GALNTL6: variants seen among roughly 807,000 people sequenced by gnomAD.
The protein encoded by GALNTL6 is polypeptide N-acetylgalactosaminyltransferase like 6, also known as polypeptide N-acetylgalactosaminyltransferase-like 6.
A neutral mutation model predicts 73.7 loss-of-function variants in GALNTL6; 46 were observed. The ratio of observed to expected loss-of-function variants is 0.62; its 90% CI spans 0.49 to 0.80. The LOEUF is 0.80. Ranked by LOEUF, GALNTL6 falls within the 30% of genes least tolerant of loss-of-function variation. GALNTL6 has a pLI of 0.00. For missense variants in GALNTL6, 604 were observed against 755.0 expected, an observed-to-expected ratio of 0.80 and a Z score of 2.34; for synonymous variants, 259 against 263.7, an observed-to-expected ratio of 0.98 and a Z score of 0.17.
At chr4:172,750,882 G>C (rs1342630584) in intron 5 of GALNTL6, among the ~76,000 whole-genome samples, 1 of 151,852 alleles carries the variant, frequency 6.6e-6, no homozygotes, top group African/African-American at 2.4e-5. Context: ...CTTAGGGTAA[G>C]TCTGCTGGCA....
chr4:172,124,231 T>C (rs910869881), intron 2 of GALNTL6, among the ~76,000 whole-genome samples: 1 of 152,190 alleles, frequency 6.6e-6, no homozygotes, highest in Admixed American at 6.5e-5. Context: ...TAAATGTAAT[T>C]GAAAGAATAA....
chr4:172,281,772 A>G (rs1739068473), intron 3 of GALNTL6, among the ~76,000 whole-genome samples: 1 of 152,106 alleles, frequency 6.6e-6, no homozygotes. Context: ...ATTCAGAATA[A>G]TCTCATCTCA....
intron 5 of GALNTL6, among the ~76,000 whole-genome samples, chr4:172,558,871 AAAGTTT>A (rs1736239058): frequency 6.6e-6 from 1 of 152,110 alleles, no homozygotes; most frequent in African/African-American, 2.4e-5. Context: ...TCCCTAAAAT[AAAGTTT>A]AAGTTTGGGG....
intron 2 of GALNTL6, among the ~76,000 whole-genome samples, chr4:172,088,016 T>C (rs1732099223): frequency 6.6e-6 from 1 of 152,302 alleles, no homozygotes; most frequent in South Asian, 2.1e-4. Flanking sequence ...ATTAAGACTA[T>C]ATGAATAATG....
intron 2 of GALNTL6, among the ~76,000 whole-genome samples, chr4:171,966,767 C>A (rs1739394580): frequency 6.6e-6 from 1 of 152,110 alleles, no homozygotes; most frequent in African/African-American, 2.4e-5. Context: ...ATTCCAAATC[C>A]ATTGCTCTTT....
At chr4:172,299,154 TA>T (rs1202180540) in intron 3 of GALNTL6, among the ~76,000 whole-genome samples, 3 of 152,232 alleles carry the variant, frequency 2.0e-5, no homozygotes, top group Non-Finnish European at 4.4e-5. Flanking sequence ...TTTATTTGTG[TA>T]GAGGTGTTTA....
chr4:172,490,500 T>A (rs1733858954), intron 5 of GALNTL6, among the ~76,000 whole-genome samples: 1 of 152,178 alleles, frequency 6.6e-6, no homozygotes, highest in African/African-American at 2.4e-5. Flanking sequence ...TATTACATAT[T>A]AGTTTCTAGA....
At chr4:172,187,441 C>G (rs1287919417) in intron 2 of GALNTL6, among the ~76,000 whole-genome samples, 1 of 151,992 alleles carries the variant, frequency 6.6e-6, no homozygotes, top group South Asian at 2.1e-4. Context: ...ATCTAACTAC[C>G]CTCTCGAGAC....
chr4:172,280,094 A>C (rs1275573518), intron 3 of GALNTL6, among the ~76,000 whole-genome samples: 3 of 152,210 alleles, frequency 2.0e-5, no homozygotes, highest in Non-Finnish European at 4.4e-5. Context: ...AGAAATGCAG[A>C]GTTGTTATTT....
At chr4:172,484,059 G>T (rs1733586537) in intron 5 of GALNTL6, among the ~76,000 whole-genome samples, 1 of 152,102 alleles carries the variant, frequency 6.6e-6, no homozygotes, top group Non-Finnish European at 1.5e-5. Context: ...GAAGAAAGAG[G>T]CAGATGAAAA....
chr4:172,022,294 C>G (rs1741428999), intron 2 of GALNTL6, among the ~76,000 whole-genome samples: 1 of 152,050 alleles, frequency 6.6e-6, no homozygotes, highest in Non-Finnish European at 1.5e-5. Flanking sequence ...AAGTCACATC[C>G]TCATAGTAAT....
Position 172,804,504 on chromosome 4 carries a change from A to G in GALNTL6, c.554-4857A>G, listed in dbSNP as rs965035192. Among the ~76,000 whole-genome samples, 3 of 152,166 alleles carry G rather than the reference A, an allele frequency of 2.0e-5. No individual in the cohort carries two copies. The South Asian group carries it at 6.2e-4, about 32-fold the overall frequency. On this transcript the variant is annotated intron_variant, in intron 5 of 12. Coordinates refer to ENST00000506823, the MANE Select transcript of GALNTL6 (RefSeq NM_001034845.3). ...TGGCCCCTCTTGCTCTCTCCTTGAG[A>G]TGTAAATTAGGAAATTCAAATGAAA...
Position 172,229,752 on chromosome 4 carries a change from G to A in GALNTL6, c.235G>A (p.Ala79Thr), listed in dbSNP as rs1324918599. Residue 79 changes from alanine (A) to threonine (T), a missense_variant, in exon 3 of 13, where the codon GCT (alanine) becomes ACT (threonine). This residue lies in a region of GALNTL6 where 141 missense variants were observed against 156.6 expected (regional missense o/e 0.90). Transcript: ENST00000506823. ...TGACTATGAAAGCATTCAGAAAGAG[G>A]CTATGCGCTCAGGTATGAAGCTCAG... ...WHDYESIQKE[A>T]MRSGKGEHGK... The A allele has an allele frequency of 1.2e-6, 2 of 1,608,824 alleles. No individual in the cohort carries two copies. The highest frequency in any genetic ancestry group is 1.7e-6 in the Non-Finnish European group (2 of 1,175,442).
intron 7 of GALNTL6, among the ~76,000 whole-genome samples, chr4:172,821,920 C>A (rs1257811246): frequency 6.6e-6 from 1 of 152,176 alleles, no homozygotes; most frequent in Non-Finnish European, 1.5e-5. Flanking sequence ...CCCCCTCCCC[C>A]ATTGCTTGGC....
chr4:171,984,713 T>C (rs1297454680), intron 2 of GALNTL6, among the ~76,000 whole-genome samples: 2 of 151,906 alleles, frequency 1.3e-5, no homozygotes, highest in African/African-American at 2.4e-5. Context: ...AAAGAGGAGA[T>C]AGAAAAGAGA....
intron 2 of GALNTL6, among the ~76,000 whole-genome samples, chr4:171,893,467 A>G (rs2110930435): frequency 6.6e-6 from 1 of 152,334 alleles, no homozygotes; most frequent in Admixed American, 6.5e-5. Flanking sequence ...ATATGTAAGA[A>G]AATATATTGT....
chr4:172,122,361 G>C (rs1380753577), intron 2 of GALNTL6, among the ~76,000 whole-genome samples: 1 of 151,968 alleles, frequency 6.6e-6, no homozygotes, highest in Non-Finnish European at 1.5e-5. Flanking sequence ...TTGGAAAAAA[G>C]CTATCTACAG....
intron 5 of GALNTL6, among the ~76,000 whole-genome samples, chr4:172,744,260 G>A (rs1383333229): frequency 6.6e-6 from 1 of 152,078 alleles, no homozygotes; most frequent in Non-Finnish European, 1.5e-5. Context: ...TGGGTCCCCA[G>A]AAATTAGGAT....
intron 2 of GALNTL6, 164 bp downstream of exon 2, chr4:171,814,882 G>T: frequency 1.6e-6 from 1 of 641,964 alleles, no homozygotes. Flanking sequence ...GCAAGTAGAT[G>T]TTTTAAGATT....
Sources: gnomAD v4.1 joint callset for allele counts (sites outside exome capture counted in the v4.1 genomes callset) on GRCh38, gnomAD v4.1.1 for gene constraint, gnomAD v4.1.1 regional missense constraint, MANE v1.5 for transcripts, NCBI Gene and HGNC (gene_info 2026-07-23, HGNC 2026-07-21) for gene names.